The following SEPTIN9 variants were observed in gnomAD, a reference collection of about 807,000 sequenced individuals.
SEPTIN9 encodes septin-9.
In SEPTIN9, 13 loss-of-function variants were observed where a neutral mutation model predicts 56.6. The observed-to-expected ratio is 0.23, with a 90% CI of 0.15 to 0.37. The LOEUF (loss-of-function observed/expected upper bound fraction) is 0.37, where lower values mean the gene tolerates loss of function less well. SEPTIN9 is among the 10% of genes least tolerant of loss of function. SEPTIN9 has a pLI of 1.00. For missense variants in SEPTIN9, 650 were observed against 823.1 expected (o/e 0.79, Z 2.57); for synonymous variants, 332 against 334.1 (o/e 0.99, Z 0.07).
chr17:77,330,985 T>G lies in SEPTIN9; in HGVS notation c.76+23788T>G, dbSNP rs1025501033. Reference sequence around the variant, plus strand: ...CCAGGCAGCAGATTCGATGCAGTGATGCAGGGCTGTCAGCCATGCCAGCAG... The same window carrying G: ...CCAGGCAGCAGATTCGATGCAGTGAGGCAGGGCTGTCAGCCATGCCAGCAG... On this transcript the variant is annotated intron_variant, in intron 2 of 11. Transcript: ENST00000427177. The surrounding 1 kb of genome is among the most constrained non-coding windows in gnomAD (Gnocchi z 4.4). 6.6e-6 allele frequency among the ~76,000 whole-genome samples: 1 copy of G among 152,180 alleles called. No individual in the cohort carries two copies. The highest frequency in any genetic ancestry group is 1.5e-5 in the Non-Finnish European group (1 of 68,032).
At chr17:77,376,245 T>C (rs2034914898) in intron 2 of SEPTIN9, 9 of 985,966 alleles carry the variant, frequency 9.1e-6, no homozygotes, top group Non-Finnish European at 1.1e-5. Flanking sequence ...GAAGATCATA[T>C]GGGCCAGGCT....
intron 1 of SEPTIN9, among the ~76,000 whole-genome samples, chr17:77,305,479 A>G (rs1300741338): frequency 6.6e-6 from 1 of 151,740 alleles, no homozygotes; most frequent in Non-Finnish European, 1.5e-5. Context: ...CTTTGTCCTC[A>G]TCTCCTCCAT....
chr17:77,342,330 G>A (rs1453017783), intron 2 of SEPTIN9, among the ~76,000 whole-genome samples: 3 of 152,290 alleles, frequency 2.0e-5, no homozygotes, highest in South Asian at 4.1e-4. Context: ...CCTTGTCACT[G>A]TAATGTCGGT....
intron 8 of SEPTIN9, among the ~76,000 whole-genome samples, chr17:77,491,960 C>T (rs1434653207): frequency 1.3e-5 from 2 of 152,060 alleles, no homozygotes; most frequent in Non-Finnish European, 2.9e-5. Flanking sequence ...ACATCAGAGC[C>T]ACATGGGGTG....
At chr17:77,422,582 T>C (rs1177740031) in intron 3 of SEPTIN9, among the ~76,000 whole-genome samples, 1 of 152,164 alleles carries the variant, frequency 6.6e-6, no homozygotes, top group East Asian at 1.9e-4. Context: ...AACCATCCTC[T>C]GCAGGTCCCG....
chr17:77,372,997 C>T (rs922548622), intron 2 of SEPTIN9, among the ~76,000 whole-genome samples: 15 of 152,210 alleles, frequency 9.9e-5, no homozygotes, highest in Non-Finnish European at 2.2e-4. Context: ...AATCTCTTCC[C>T]CTCTGGGCGC....
At position 77,498,718 on chromosome 17, in the gene SEPTIN9, C is replaced by T. The variant is rs1488176562; in HGVS notation, c.*60C>T. 61 of 841,736 alleles carry T rather than the reference C, an allele frequency of 7.2e-5. No individual in the cohort carries two copies. The highest frequency in any genetic ancestry group is 5.5e-6 in the Non-Finnish European group (3 of 546,430). The allele number at this position is 841,736 out of a possible 1,614,324, so 52.1% of individuals were successfully genotyped here. On this transcript the variant is annotated 3_prime_UTR_variant, in exon 12 of 12. Transcript: ENST00000427177. ...AAGTCATTTCCGTCCCCCCCCAGGC[C>T]CTCCCACCACCCCATTTTATTTTAT...
intron 3 of SEPTIN9, chr17:77,426,866 A>T (rs1325623245): frequency 6.6e-6 from 1 of 152,092 alleles, no homozygotes; most frequent in Non-Finnish European, 1.5e-5. Flanking sequence ...AATGCCTGTT[A>T]AGCATTAGGG....
rs2037248090 is a variant in SEPTIN9 at position 77,434,011 on chromosome 17, G to T, written c.721+31308G>T. 6.6e-6 allele frequency among the ~76,000 whole-genome samples: 1 copy of T among 152,220 alleles called. No homozygotes were observed. Among genetic ancestry groups the T allele is most frequent in the Non-Finnish European group, 1.5e-5 (1 of 68,040 alleles). On this transcript the variant is annotated intron_variant, in intron 3 of 11. Transcript: ENST00000427177. This position sits in a 1 kb window ranked among gnomAD's most constrained non-coding sequence, Gnocchi z 5.0. ...AGGGACGCTGTGTGTGCCTGTGTGA[G>T]TCTGGCGTGTTAGAAGCGCTAAGCT... is the stretch of plus-strand genomic sequence containing the variant.
In SEPTIN9 at chr17:77,361,788, G is replaced by A. The variant is rs1472207170; in HGVS notation, c.77-40271G>A. On this transcript the variant is annotated intron_variant, in intron 2 of 11. Transcript: ENST00000427177. ...GCTGGGACTACAGGCGCCTGCCACC[G>A]CGTCCGGCTAATTTTTTGTATTTTT... 9.9e-5 allele frequency among the ~76,000 whole-genome samples: 15 copies of A among 152,066 alleles called. No homozygotes were observed. In the South Asian group the frequency reaches 2.1e-3, roughly 21 times the overall value.
intron 1 of SEPTIN9, among the ~76,000 whole-genome samples, chr17:77,302,030 C>T (rs928062059): frequency 6.6e-6 from 1 of 152,136 alleles, no homozygotes; most frequent in Non-Finnish European, 1.5e-5. Flanking sequence ...CTGAAATGAC[C>T]TTTGAGAAGG....
intron 3 of SEPTIN9, among the ~76,000 whole-genome samples, chr17:77,417,140 A>C (rs2036533936): frequency 6.6e-6 from 1 of 152,142 alleles, no homozygotes; most frequent in South Asian, 2.1e-4. Flanking sequence ...GAGCCATCTC[A>C]TTGAGTTGCT....
chr17:77,308,510 C>T (rs966713935), intron 2 of SEPTIN9, among the ~76,000 whole-genome samples: 1 of 152,238 alleles, frequency 6.6e-6, no homozygotes, highest in Non-Finnish European at 1.5e-5. Context: ...GCCGCTTAGC[C>T]GCCTGGGTCT....
intron 1 of SEPTIN9, among the ~76,000 whole-genome samples, chr17:77,282,702 G>A (rs984955794): frequency 6.6e-6 from 1 of 152,198 alleles, no homozygotes; most frequent in Admixed American, 6.5e-5. Flanking sequence ...CGGTTGTTGC[G>A]AACAAGATGG....
intron 2 of SEPTIN9, among the ~76,000 whole-genome samples, chr17:77,372,393 G>A (rs146015597): frequency 6.6e-6 from 1 of 151,398 alleles, no homozygotes; most frequent in African/African-American, 2.4e-5. Flanking sequence ...TGCCTGCCTT[G>A]TGGATGATAT....
intron 3 of SEPTIN9, among the ~76,000 whole-genome samples, chr17:77,432,126 C>T (rs533690082): frequency 2.0e-5 from 3 of 152,154 alleles, no homozygotes; most frequent in Non-Finnish European, 4.4e-5. Flanking sequence ...AACCAGAGCC[C>T]GGCTGGGAAG....
chr17:77,316,101 G>A (rs987143193), intron 2 of SEPTIN9, among the ~76,000 whole-genome samples: 3 of 152,198 alleles, frequency 2.0e-5, no homozygotes, highest in African/African-American at 7.2e-5. Flanking sequence ...ATGCAAATGT[G>A]CCTCTGAATC....
chr17:77,284,544 C>T (rs1041872458), intron 1 of SEPTIN9, among the ~76,000 whole-genome samples: 6 of 152,218 alleles, frequency 3.9e-5, no homozygotes, highest in Admixed American at 6.5e-5. Flanking sequence ...CACCAGGCTG[C>T]GCCTCTCCCT....
At chr17:77,291,051 T>C (rs1294340739) in intron 1 of SEPTIN9, among the ~76,000 whole-genome samples, 37 of 143,418 alleles carry the variant, frequency 2.6e-4, no homozygotes, top group African/African-American at 7.6e-4. Flanking sequence ...TTTTTTTTTT[T>C]TTGAGACAGA....
Sources: gnomAD v4.1 joint callset for allele counts (sites outside exome capture counted in the v4.1 genomes callset) on GRCh38, gnomAD v4.1.1 for gene constraint, Gnocchi (gnomAD v3.1) non-coding constraint, MANE v1.5 for transcripts, NCBI Gene and HGNC (gene_info 2026-07-23, HGNC 2026-07-21) for gene names.